The following RAP1GAP variants were observed in gnomAD, a reference collection of about 807,000 sequenced individuals.
RAP1GAP encodes the protein RAP1 GTPase activating protein.
RAP1GAP carries 35 observed loss-of-function variants against 87.2 expected under a neutral mutation model. The observed-to-expected ratio is 0.40, with a 90% CI of 0.31 to 0.53. RAP1GAP has a LOEUF of 0.53. Among genes scored for constraint, RAP1GAP ranks in the 20% least tolerant of loss-of-function variants. The pLI is 0.48. For missense variants in RAP1GAP, 734 were observed against 898.9 expected (o/e 0.82, Z 2.35); for synonymous variants, 375 against 363.9 (o/e 1.03, Z -0.35).
At position 21,596,492 on chromosome 1, in the gene RAP1GAP, G is replaced by GTCCTC. The variant is rs1278888723; in HGVS notation, c.*806_*807insGAGGA. 2 of 152,396 alleles carry GTCCTC rather than the reference G, an allele frequency of 1.3e-5. No homozygotes were observed. The highest frequency in any genetic ancestry group is 2.9e-5 in the Non-Finnish European group (2 of 68,148). 9.4% of individuals were successfully genotyped at this position (152,396 alleles called of 1,614,324 possible). A position where few individuals can be genotyped will look rare whatever the true frequency, so the allele number is the denominator to read the frequency against. ...GCAGGGGTTAAGCTGGGTGCTGGCT[G>GTCCTC]AGGAGCCAGGTAGGTCCCCATCCCC... On this transcript the variant is annotated 3_prime_UTR_variant, in exon 25 of 25. Transcript: ENST00000374765.
Position 21,668,814 on chromosome 1 carries a change from G to A in RAP1GAP, c.-149+440C>T, listed in dbSNP as rs2097473629. On this transcript the variant is annotated intron_variant, in intron 1 of 24. Coordinates refer to ENST00000374765, the MANE Select transcript of RAP1GAP (RefSeq NM_002885.4). This position sits in a 1 kb window ranked among gnomAD's most constrained non-coding sequence, Gnocchi z 6.2. ...TGAGGCCCCCACTTCCCTCCTCTGA[G>A]GACAGGAGCGCCACCCTCTGGGGGG... Among the ~76,000 whole-genome samples, 1 of 151,930 alleles carries A rather than the reference G, an allele frequency of 6.6e-6. No homozygotes were observed. The highest frequency in any genetic ancestry group is 2.4e-5 in the African/African-American group (1 of 41,384).
intron 2 of RAP1GAP, among the ~76,000 whole-genome samples, chr1:21,627,135 G>C (rs2092449464): frequency 6.6e-6 from 1 of 152,246 alleles, no homozygotes; most frequent in Non-Finnish European, 1.5e-5. Flanking sequence ...CACCTCTGGG[G>C]CAGGGAGAGG....
intron 1 of RAP1GAP, among the ~76,000 whole-genome samples, chr1:21,656,940 A>T (rs567986017): frequency 3.9e-5 from 6 of 152,172 alleles, no homozygotes; most frequent in South Asian, 2.1e-4. Context: ...CCATTCATTC[A>T]GTATTGAGCA....
At chr1:21,623,140 C>T (rs2089925162) in intron 3 of RAP1GAP, among the ~76,000 whole-genome samples, 1 of 152,176 alleles carries the variant, frequency 6.6e-6, no homozygotes, top group African/African-American at 2.4e-5. Flanking sequence ...CCCGCCCTAG[C>T]TGCCCCAGAT....
At chr1:21,636,262 T>C (rs2094649021) in intron 2 of RAP1GAP, among the ~76,000 whole-genome samples, 1 of 152,220 alleles carries the variant, frequency 6.6e-6, no homozygotes, top group Non-Finnish European at 1.5e-5. Flanking sequence ...TGTGTGACCT[T>C]GGACAAGTTA....
rs563857693 is a variant in RAP1GAP, at chr1:21,620,164, T to C, written c.-18-114A>G. The C allele has an allele frequency of 2.1e-4, 236 of 1,101,114 alleles. 3 individuals are homozygous for C. Among genetic ancestry groups the C allele is most frequent in the South Asian group, 1.8e-3 (137 of 74,786 alleles). The allele number at this position is 1,101,114 out of a possible 1,614,324, so 68.2% of individuals were successfully genotyped here. A position where few individuals can be genotyped will look rare whatever the true frequency, so the allele number is the denominator to read the frequency against. On this transcript the variant is annotated intron_variant, in intron 3 of 24. Coordinates refer to ENST00000374765, the MANE Select transcript of RAP1GAP (RefSeq NM_002885.4). ...AGCTCTGATCAGTGACCGAGGCACCTGTCTGAGTAGCAAGCGGGAGTGACG... is the reference window on the plus strand; with the variant it reads ...AGCTCTGATCAGTGACCGAGGCACCCGTCTGAGTAGCAAGCGGGAGTGACG...
At chr1:21,647,007 A>G (rs993622531) in intron 2 of RAP1GAP, among the ~76,000 whole-genome samples, 2 of 152,270 alleles carry the variant, frequency 1.3e-5, no homozygotes, top group African/African-American at 4.8e-5. Flanking sequence ...GGGGTGGGGG[A>G]AAATCACCTC....
intron 2 of RAP1GAP, among the ~76,000 whole-genome samples, chr1:21,644,108 C>T (rs1400706567): frequency 2.0e-5 from 3 of 152,158 alleles, no homozygotes; most frequent in African/African-American, 2.4e-5. Context: ...AGAGCCACAA[C>T]GCATGTGGAG....
chr1:21,630,939 C>T (rs1433725430), intron 2 of RAP1GAP, among the ~76,000 whole-genome samples: 1 of 152,130 alleles, frequency 6.6e-6, no homozygotes, highest in Non-Finnish European at 1.5e-5. Context: ...ACGTCCTTTC[C>T]TGCTCAGCCT....
intron 21 of RAP1GAP, among the ~76,000 whole-genome samples, chr1:21,599,278 A>C (rs1165467722): frequency 6.6e-6 from 1 of 152,188 alleles, no homozygotes; most frequent in Non-Finnish European, 1.5e-5. Context: ...CCAGATCTCC[A>C]AGAGCTCCAG....
chr1:21,641,018 C>T (rs2095471397), intron 2 of RAP1GAP, among the ~76,000 whole-genome samples: 1 of 151,980 alleles, frequency 6.6e-6, no homozygotes, highest in Admixed American at 6.6e-5. Context: ...AGCGATTCTC[C>T]TGCCTCAGTC....
chr1:21,659,282 A>G (rs980566271), intron 1 of RAP1GAP, among the ~76,000 whole-genome samples: 1 of 152,206 alleles, frequency 6.6e-6, no homozygotes, highest in Non-Finnish European at 1.5e-5. Context: ...ATTGGCCGTC[A>G]TAAGAACTGC....
chr1:21,610,150 C>G lies in RAP1GAP; in HGVS notation c.969G>C (p.Glu323Asp). The G allele has an allele frequency of 6.2e-7, 1 of 1,614,102 alleles. No individual in the cohort carries two copies. ...AGAGGGGGCCATCAGGGCCCCCGCC[C>G]TCAGCCTGCACCACGACGTAGGCAT... is the stretch of plus-strand genomic sequence containing the variant. ...FLHAYVVVQA[E>D]GGGPDGPLYK... The change falls in exon 14 of 25, where the codon GAG (glutamate) becomes GAC (aspartate). Residue 323 changes from glutamate (E) to aspartate (D), a missense_variant. Coordinates refer to ENST00000374765, the MANE Select transcript of RAP1GAP (RefSeq NM_002885.4).
intron 2 of RAP1GAP, among the ~76,000 whole-genome samples, chr1:21,638,163 G>GAAAAGAAA (rs1316674570): frequency 1.0e-4 from 14 of 135,972 alleles, no homozygotes; most frequent in Middle Eastern, 4.9e-3. Context: ...AAAAAAAAAA[G>GAAAAGAAA]AAAAGAAAAA....
At chr1:21,667,583 C>T (rs1275394130) in intron 1 of RAP1GAP, 1 of 152,624 alleles carries the variant, frequency 6.6e-6, no homozygotes, top group East Asian at 1.9e-4. Flanking sequence ...AGCTTCCAGC[C>T]ACAGGCACCC....
rs1335007409 is a variant in RAP1GAP at position 21,634,716 on chromosome 1, G to C, written c.-112-8319C>G. The C allele has an allele frequency of 4.6e-6, 2 of 437,266 alleles. No homozygotes were observed. The highest frequency in any genetic ancestry group is 2.3e-5 in the Admixed American group (1 of 44,200). 27.1% of individuals were successfully genotyped at this position (437,266 alleles called of 1,614,324 possible). A position where few individuals can be genotyped will look rare whatever the true frequency, so the allele number is the denominator to read the frequency against. On this transcript the variant is annotated intron_variant, in intron 2 of 24. Transcript: ENST00000374765. The surrounding 1 kb of genome is among the most constrained non-coding windows in gnomAD (Gnocchi z 4.1). ...GCCTAGAGAGGTGGTCACGGGACCG[G>C]TCCCTGCCCAGGGCACAGCATCTGG...
At chr1:21,632,776 C>T (rs1392452293) in intron 2 of RAP1GAP, among the ~76,000 whole-genome samples, 1 of 135,984 alleles carries the variant, frequency 7.4e-6, no homozygotes, top group East Asian at 2.1e-4. Context: ...TGGCTCACAC[C>T]TATAGTCTCA....
At chr1:21,612,965 G>T (rs192803894) in intron 10 of RAP1GAP, 5 of 595,052 alleles carry the variant, frequency 8.4e-6, no homozygotes, top group African/African-American at 5.6e-5. Flanking sequence ...AGGCTTAAAC[G>T]CAGGCCCTCC....
chr1:21,651,764 C>G (rs1036031097), intron 1 of RAP1GAP: 1 of 1,446,104 alleles, frequency 6.9e-7, no homozygotes, highest in African/African-American at 1.5e-5. Flanking sequence ...CGCCCCGCGC[C>G]GCGCCACGCC....
Sources: gnomAD v4.1 joint callset for allele counts (sites outside exome capture counted in the v4.1 genomes callset) on GRCh38, gnomAD v4.1.1 for gene constraint, Gnocchi (gnomAD v3.1) non-coding constraint, MANE v1.5 for transcripts, NCBI Gene and HGNC (gene_info 2026-07-23, HGNC 2026-07-21) for gene names.